SUN2: variants seen among roughly 807,000 people sequenced by gnomAD.
The protein encoded by SUN2 is SUN domain-containing protein 2.
SUN2 carries 60 observed loss-of-function variants against 100.0 expected under a neutral mutation model. The ratio of observed to expected loss-of-function variants is 0.60; its 90% CI spans 0.49 to 0.74. The LOEUF (loss-of-function observed/expected upper bound fraction) is 0.74. SUN2 is among the 30% of genes least tolerant of loss of function. The pLI is 0.00. For missense variants in SUN2, 834 were observed against 954.6 expected (o/e 0.87, Z 1.66); for synonymous variants, 367 against 403.3 (o/e 0.91, Z 1.08).
chr22:38,736,225 A>C lies in SUN2; in HGVS notation c.*42T>G. Reference sequence around the variant, plus strand: ...TGGGGGAAGCGGCGGGGTGCTGTTCACCCACTCCCAGATGGCTGGCAGCAG... The same window carrying C: ...TGGGGGAAGCGGCGGGGTGCTGTTCCCCCACTCCCAGATGGCTGGCAGCAG... On this transcript the variant is annotated 3_prime_UTR_variant, in exon 18 of 18. Transcript: ENST00000689035. 1 of 1,573,828 alleles carries C rather than the reference A, an allele frequency of 6.4e-7. No individual in the cohort carries two copies. The highest frequency in any genetic ancestry group is 8.7e-7 in the Non-Finnish European group (1 of 1,147,210).
rs181971700 is a variant in SUN2 at position 38,735,112 on chromosome 22, T to C, written c.*1155A>G. 1.5e-4 allele frequency: 52 copies of C among 354,656 alleles called. No homozygotes were observed. The highest frequency in any genetic ancestry group is 9.3e-4 in the African/African-American group (43 of 46,200). 22.0% of individuals were successfully genotyped at this position (354,656 alleles called of 1,614,324 possible). ...TTAGAAAAACAGACCTTGAAAAATA[T>C]ATACATAATACAGTGGGGCCTGCTG... On this transcript the variant is annotated 3_prime_UTR_variant, in exon 18 of 18. Transcript: ENST00000689035.
At chr22:38,747,104 G>A (rs2092910003) in intron 7 of SUN2, among the ~76,000 whole-genome samples, 1 of 152,208 alleles carries the variant, frequency 6.6e-6, no homozygotes. Context: ...GGCCGAGGCA[G>A]GTGGATCACT....
At chr22:38,751,462 C>T in intron 2 of SUN2, 89 bp from the exon 3 acceptor site, 1 of 1,475,976 alleles carries the variant, frequency 6.8e-7, no homozygotes, top group Non-Finnish European at 9.2e-7. Flanking sequence ...GCGGCCCTGC[C>T]TAGTGCAGGG....
Position 38,753,062 on chromosome 22 carries a change from C to T in SUN2, c.-37-397G>A, listed in dbSNP as rs116300462. 9.1e-3 allele frequency among the ~76,000 whole-genome samples: 1,382 copies of T among 152,322 alleles called. 25 individuals are homozygous for T. Among genetic ancestry groups the T allele is most frequent in the African/African-American group, 0.032 (1,319 of 41,566 alleles). ...TGCTTCTGGTCACTGCCTGCACGCC[C>T]GGTGGTCCAGCCACCCCACCTGCCT... On this transcript the variant is annotated intron_variant, in intron 1 of 17. Transcript: ENST00000689035.
intron 7 of SUN2, among the ~76,000 whole-genome samples, chr22:38,748,198 C>T (rs892217938): frequency 6.6e-6 from 1 of 152,176 alleles, no homozygotes; most frequent in Non-Finnish European, 1.5e-5. Flanking sequence ...CCTGTAATCC[C>T]AGCTACTCGG....
chr22:38,741,126 G>T, intron 10 of SUN2, 76 bp from the exon 11 acceptor site: 1 of 1,503,260 alleles, frequency 6.7e-7, no homozygotes, highest in Non-Finnish European at 9.1e-7. Flanking sequence ...TCTGCTGTCT[G>T]TTAGCGTCTT....
At chr22:38,742,919 C>T in intron 8 of SUN2, 1 of 192,256 alleles carries the variant, frequency 5.2e-6, no homozygotes, top group Non-Finnish European at 1.1e-5. Context: ...CCCTCCTGGC[C>T]TGAAGCTCAC....
In SUN2 at chr22:38,738,420, G is replaced by A. The variant is rs2092825918; in HGVS notation, c.1948-155C>T. On this transcript the variant is annotated intron_variant, in intron 16 of 17. Transcript: ENST00000689035. The surrounding 1 kb of genome is among the most constrained non-coding windows in gnomAD (Gnocchi z 6.6). ...TTGTGCCACAGTTTCTGCCTCCAAA[G>A]CCTAAGGTAACAGGGACTGAAGTGC... 1 of 1,136,178 alleles carries A rather than the reference G, an allele frequency of 8.8e-7. No individual in the cohort carries two copies. 70.4% of individuals were successfully genotyped at this position (1,136,178 alleles called of 1,614,324 possible).
chr22:38,743,163 A>G (rs1184325196), intron 8 of SUN2: 1 of 152,296 alleles, frequency 6.6e-6, no homozygotes, highest in Admixed American at 6.5e-5. Flanking sequence ...TGTTGGCTTA[A>G]CAACAAAATC....
rs1282459724 is a variant in SUN2 at position 38,755,104 on chromosome 22, G to T, written c.-38+659C>A. 2 of 967,630 alleles carry T rather than the reference G, an allele frequency of 2.1e-6. No individual in the cohort carries two copies. The highest frequency in any genetic ancestry group is 1.8e-5 in the African/African-American group (1 of 57,138). The allele number at this position is 967,630 out of a possible 1,614,324, so 59.9% of individuals were successfully genotyped here. A position where few individuals can be genotyped will look rare whatever the true frequency, so the allele number is the denominator to read the frequency against. On this transcript the variant is annotated intron_variant, in intron 1 of 17. Transcript: ENST00000689035. The surrounding 1 kb of genome is among the most constrained non-coding windows in gnomAD (Gnocchi z 5.7). Reference sequence around the variant, plus strand: ...CTGGGCGACTTCCTTTCTCAATTCCGCCCTTCCCCATCACAAACATCTCCA... The same window carrying T: ...CTGGGCGACTTCCTTTCTCAATTCCTCCCTTCCCCATCACAAACATCTCCA...
At chr22:38,742,170 A>T in intron 9 of SUN2, 131 bp downstream of exon 9, 7 of 1,139,094 alleles carry the variant, frequency 6.1e-6, no homozygotes, top group East Asian at 2.6e-5. Context: ...AGAAAAAAAG[A>T]GAAAGGGAGT....
chr22:38,754,712 C>A (rs1282756096), intron 1 of SUN2: 1 of 1,288,912 alleles, frequency 7.8e-7, no homozygotes, highest in Non-Finnish European at 1.0e-6. Context: ...GACACCTTTG[C>A]CCAGGGCAGA....
chr22:38,754,539 G>T, intron 1 of SUN2: 1 of 986,298 alleles, frequency 1.0e-6, no homozygotes, highest in Non-Finnish European at 1.4e-6. Context: ...GGACCGATTG[G>T]TAGTAGGAAA....
chr22:38,740,233 A>C lies in SUN2; in HGVS notation c.1356+34T>G, dbSNP rs756507346. ...ACACGTCGTCTCAAAGGAGGAGGAG[A>C]GGGACCAGCAGGGCCCTGGTGGTTC... On this transcript the variant is annotated intron_variant, in intron 12 of 17. Transcript: ENST00000689035. This position sits in a 1 kb window ranked among gnomAD's most constrained non-coding sequence, Gnocchi z 4.8. 1 of 1,510,808 alleles carries C rather than the reference A, an allele frequency of 6.6e-7. No homozygotes were observed. Among genetic ancestry groups the C allele is most frequent in the Non-Finnish European group, 8.9e-7 (1 of 1,126,728 alleles). The allele number at this position is 1,510,808 out of a possible 1,614,324, so 93.6% of individuals were successfully genotyped here.
At chr22:38,742,170 A>G in intron 9 of SUN2, 131 bp downstream of exon 9, 1 of 1,139,114 alleles carries the variant, frequency 8.8e-7, no homozygotes. Context: ...AGAAAAAAAG[A>G]GAAAGGGAGT....
intron 8 of SUN2, 132 bp from the exon 9 acceptor site, chr22:38,742,687 A>G (rs541968957): frequency 1.5e-5 from 19 of 1,244,150 alleles, no homozygotes; most frequent in South Asian, 9.5e-5. Context: ...AAGGCCATGC[A>G]GGGCCGGCTG....
intron 7 of SUN2, among the ~76,000 whole-genome samples, 190 bp downstream of exon 7, chr22:38,748,523 A>T (rs1043888779): frequency 6.6e-6 from 1 of 152,176 alleles, no homozygotes; most frequent in Non-Finnish European, 1.5e-5. Flanking sequence ...GCTCCTGCCC[A>T]GGGCGGCACA....
In SUN2 at chr22:38,740,712, G is replaced by A. The variant is rs2092849195; in HGVS notation, c.1191-280C>T. The A allele has an allele frequency of 3.4e-6, 2 of 583,658 alleles. No homozygotes were observed. Among genetic ancestry groups the A allele is most frequent in the African/African-American group, 3.7e-5 (2 of 53,580 alleles). The allele number at this position is 583,658 out of a possible 1,614,324, so 36.2% of individuals were successfully genotyped here. The stretch of plus-strand genomic sequence containing the variant: ...CATCCTCCACAAGCATGGACATCTG[G>A]GGCATGAGAAGGCAGTTATGTGAGG... On this transcript the variant is annotated intron_variant, in intron 11 of 17. Coordinates refer to ENST00000689035, the MANE Select transcript of SUN2 (RefSeq NM_015374.3). The surrounding 1 kb of genome is among the most constrained non-coding windows in gnomAD (Gnocchi z 4.8).
chr22:38,743,187 G>A (rs1277247698), intron 8 of SUN2: 1 of 152,264 alleles, frequency 6.6e-6, no homozygotes, highest in Non-Finnish European at 1.5e-5. Context: ...GCCAAGAGAA[G>A]TGATAAAAAC....
Sources: allele counts gnomAD v4.1 joint callset (sites outside exome capture counted in the v4.1 genomes callset), GRCh38; gene constraint gnomAD v4.1.1; non-coding constraint Gnocchi (gnomAD v3.1); transcripts MANE v1.5; gene names NCBI Gene and HGNC (gene_info 2026-07-23, HGNC 2026-07-21).